KANK3: variants seen among roughly 807,000 people sequenced by gnomAD.
KANK3 encodes KN motif and ankyrin repeat domain-containing protein 3.
KANK3 carries 61 observed loss-of-function variants against 65.4 expected under a neutral mutation model. That is an observed-to-expected ratio of 0.93 (90% CI 0.76 to 1.15). The LOEUF (loss-of-function observed/expected upper bound fraction) is 1.15. KANK3 is among the 50% of genes most tolerant of loss of function. The probability of loss-of-function intolerance (pLI) is 0.00; values close to 1 mark genes in which losing one functional copy is unlikely to be tolerated. For synonymous variants in KANK3, 586 were observed against 543.3 expected (o/e 1.08, Z -1.09); for missense variants, 1,187 against 1,178.8 (o/e 1.01, Z -0.10).
intron 7 of KANK3, among the ~76,000 whole-genome samples, chr19:8,327,446 A>G (rs906971284): frequency 5.9e-5 from 9 of 152,162 alleles, no homozygotes; most frequent in African/African-American, 2.2e-4. Context: ...CCTGGCCAAC[A>G]TGGTGAAACA....
Position 8,334,302 on chromosome 19 carries a change from G to A in KANK3, c.1427+18C>T. On this transcript the variant is annotated intron_variant, in intron 4 of 10. Transcript: ENST00000330915. The stretch of plus-strand genomic sequence containing the variant: ...TATGTCCCGGCAGAAGCTGCCACAG[G>A]AGGGGAAAGGCGCTCACTCTCCGTT... 1.2e-6 allele frequency: 2 copies of A among 1,613,638 alleles called. No individual in the cohort carries two copies. Among genetic ancestry groups the A allele is most frequent in the Non-Finnish European group, 1.7e-6 (2 of 1,179,796 alleles).
intron 7 of KANK3, among the ~76,000 whole-genome samples, chr19:8,331,123 G>A (rs1970516206): frequency 6.6e-6 from 1 of 151,806 alleles, no homozygotes; most frequent in Non-Finnish European, 1.5e-5. Flanking sequence ...AACCCGGGAG[G>A]CGTAGGTTGC....
chr19:8,325,294 A>ATTTTTTT (rs1970406243), intron 7 of KANK3, among the ~76,000 whole-genome samples, 198 bp from the exon 8 acceptor site: 2 of 66,490 alleles, frequency 3.0e-5, no homozygotes, highest in Admixed American at 1.5e-4. Context: ...TTCCTGTTTC[A>ATTTTTTT]TCTTTTTTTT....
rs1227887472 is a variant in KANK3 at position 8,334,971 on chromosome 19, C to G, written c.856G>C (p.Val286Leu). The G allele has an allele frequency of 6.7e-7, 1 of 1,494,546 alleles. No homozygotes were observed. The highest frequency in any genetic ancestry group is 8.8e-7 in the Non-Finnish European group (1 of 1,132,144). The allele number at this position is 1,494,546 out of a possible 1,614,324, so 92.6% of individuals were successfully genotyped here. The change falls in exon 3 of 11, where the codon GTC becomes CTC. Residue 286 changes from valine to leucine, a missense_variant. Val to Leu is a conservative substitution (Grantham distance 32). Transcript: ENST00000330915. ...AAGRSEGALQVLDGEVGSLDG... is the reference protein window; with the variant it reads ...AAGRSEGALQLLDGEVGSLDG... ...AGACTCCCGACCTCCCCGTCGAGGA[C>G]CTGGAGCGCGCCCTCGCTGCGCCCT...
rs752825411 is a variant in KANK3, at chr19:8,337,865, G to T, written c.-28-9C>A. On this transcript the variant is annotated splice_polypyrimidine_tract_variant and intron_variant, in intron 1 of 10. Coordinates refer to ENST00000330915, the MANE Select transcript of KANK3 (RefSeq NM_198471.3). Reference sequence around the variant, plus strand: ...CAGCTGTCAGAGGCACCCTGCAAAAGGGGTGAAGGTGGGGCTGGGCGCTGT... The same window carrying T: ...CAGCTGTCAGAGGCACCCTGCAAAATGGGTGAAGGTGGGGCTGGGCGCTGT... 1 of 1,613,058 alleles carries T rather than the reference G, an allele frequency of 6.2e-7. No homozygotes were observed.
chr19:8,332,240 C>G (rs1050801201), intron 7 of KANK3, among the ~76,000 whole-genome samples: 1 of 151,936 alleles, frequency 6.6e-6, no homozygotes, highest in Non-Finnish European at 1.5e-5. Flanking sequence ...TGCAGTAGCA[C>G]GATCTCAGCT....
chr19:8,335,051 C>A lies in KANK3; in HGVS notation c.776G>T (p.Arg259Leu). ...GGGGCTGGCCCTGGCACGGCCGCCGCGCTCGGAGGTGGCCAGGCGCTCGGT... is the reference window on the plus strand; with the variant it reads ...GGGGCTGGCCCTGGCACGGCCGCCGAGCTCGGAGGTGGCCAGGCGCTCGGT... ...RLTERLATSE[R>L]GGRARASPRA... Residue 259 changes from arginine to leucine, a missense_variant, in exon 3 of 11, where the codon CGC becomes CTC. By Grantham distance (102) the Arg-to-Leu change is moderately radical (BLOSUM62 -2). Coordinates refer to ENST00000330915, the MANE Select transcript of KANK3 (RefSeq NM_198471.3). The A allele has an allele frequency of 7.4e-7, 1 of 1,355,952 alleles. No homozygotes were observed. Among genetic ancestry groups the A allele is most frequent in the Non-Finnish European group, 9.4e-7 (1 of 1,061,904 alleles). The allele number at this position is 1,355,952 out of a possible 1,614,324, so 84.0% of individuals were successfully genotyped here. A position where few individuals can be genotyped will look rare whatever the true frequency, so the allele number is the denominator to read the frequency against.
At position 8,332,770 on chromosome 19, in the gene KANK3, T is replaced by C. The variant is rs527410966; in HGVS notation, c.1936+244A>G. ...AGGCGGAGGTTGCAGTGAGCCGAGA[T>C]CGCGCCACTGCACTCCTGCCTGGTG... On this transcript the variant is annotated intron_variant, in intron 7 of 10. Transcript: ENST00000330915. 101 of 190,626 alleles carry C rather than the reference T, an allele frequency of 5.3e-4. 1 individual carries two copies. Among genetic ancestry groups the C allele is most frequent in the Non-Finnish European group, 8.3e-5 (8 of 96,094 alleles). 11.8% of individuals were successfully genotyped at this position (190,626 alleles called of 1,614,324 possible).
chr19:8,331,952 C>G (rs1466601895), intron 7 of KANK3, among the ~76,000 whole-genome samples: 4 of 147,062 alleles, frequency 2.7e-5, no homozygotes, highest in Non-Finnish European at 4.5e-5. Flanking sequence ...CAGGGCAGAA[C>G]TAGGGGTATG....
rs972917848 is a variant in KANK3, at chr19:8,335,419, C to G, written c.408G>C (p.Glu136Asp). ...RNPRVEHTLR[E>D]TSRRLELAQT... ...GCGCCAGCTCCAGCCGCCGGCTGGT[C>G]TCCCGGAGCGTGTGCTCGACGCGCG... Residue 136 changes from glutamate (E) to aspartate (D), a missense_variant, in exon 3 of 11, where the codon GAG becomes GAC. Coordinates refer to ENST00000330915, the MANE Select transcript of KANK3 (RefSeq NM_198471.3). The G allele has an allele frequency of 1.2e-5, 14 of 1,208,560 alleles. No individual in the cohort carries two copies. The African/African-American group carries it at 2.1e-4, about 18-fold the overall frequency. 74.9% of individuals were successfully genotyped at this position (1,208,560 alleles called of 1,614,324 possible). A position where few individuals can be genotyped will look rare whatever the true frequency, so the allele number is the denominator to read the frequency against.
Position 8,322,936 on chromosome 19 carries a change from A to G in KANK3, c.2383-14T>C, listed in dbSNP as rs201986029. 1.4e-6 allele frequency: 2 copies of G among 1,415,772 alleles called. No individual in the cohort carries two copies. Among genetic ancestry groups the G allele is most frequent in the Non-Finnish European group, 1.9e-6 (2 of 1,051,858 alleles). 87.7% of individuals were successfully genotyped at this position (1,415,772 alleles called of 1,614,324 possible). On this transcript the variant is annotated splice_polypyrimidine_tract_variant and intron_variant, in intron 10 of 10. Coordinates refer to ENST00000330915, the MANE Select transcript of KANK3 (RefSeq NM_198471.3). ...GGGTGACTCGCTCTGGAGAGAGGGG[A>G]AAAGAGGGGGGCCTGCTGCAATCTC... is the stretch of plus-strand genomic sequence containing the variant.
At chr19:8,343,001 A>AG (rs1261434921) in intron 1 of KANK3, among the ~76,000 whole-genome samples, 4 of 152,114 alleles carry the variant, frequency 2.6e-5, no homozygotes, top group Non-Finnish European at 5.9e-5. Context: ...GAAGGGCGAG[A>AG]GGGGGGCAAG....
chr19:8,336,128 G>A (rs958013897), intron 2 of KANK3, among the ~76,000 whole-genome samples: 3 of 152,198 alleles, frequency 2.0e-5, no homozygotes, highest in African/African-American at 7.2e-5. Context: ...TTTCCTGTGA[G>A]GGGACTTTCC....
Position 8,334,819 on chromosome 19 carries a change from C to CGCCTCCACGGTCTCGGGGGCA in KANK3, c.987_1007dup (p.Ala330_Ala336dup), listed in dbSNP as rs1568576399. 1 of 1,492,236 alleles carries CGCCTCCACGGTCTCGGGGGCA rather than the reference C, an allele frequency of 6.7e-7. No individual in the cohort carries two copies. The highest frequency in any genetic ancestry group is 8.9e-7 in the Non-Finnish European group (1 of 1,129,674). The allele number at this position is 1,492,236 out of a possible 1,614,324, so 92.4% of individuals were successfully genotyped here. A position where few individuals can be genotyped will look rare whatever the true frequency, so the allele number is the denominator to read the frequency against. The stretch of plus-strand genomic sequence containing the variant: ...GCAGCGCCTCGGTCACCCACGCGTC[C>CGCCTCCACGGTCTCGGGGGCA]GCCTCCACGGTCTCGGGGGCAGCCT... On this transcript the variant is annotated inframe_insertion, in exon 3 of 11. Coordinates refer to ENST00000330915, the MANE Select transcript of KANK3 (RefSeq NM_198471.3).
At chr19:8,324,062 C>G (rs1049715095) in intron 10 of KANK3, among the ~76,000 whole-genome samples, 1 of 152,202 alleles carries the variant, frequency 6.6e-6, no homozygotes, top group African/African-American at 2.4e-5. Context: ...TACTTCCCCC[C>G]TTGAGGACTC....
intron 7 of KANK3, 66 bp downstream of exon 7, chr19:8,332,948 G>T: frequency 7.4e-7 from 1 of 1,351,532 alleles, no homozygotes; most frequent in Non-Finnish European, 1.0e-6. Flanking sequence ...TTTGAGCCTA[G>T]GTCAGCCCCT....
chr19:8,329,356 G>A (rs939160376), intron 7 of KANK3, among the ~76,000 whole-genome samples: 5 of 150,788 alleles, frequency 3.3e-5, no homozygotes, highest in Admixed American at 1.3e-4. Flanking sequence ...GCATGATGGC[G>A]CTTGCCAGTA....
chr19:8,329,523 A>AAAG (rs1427394985), intron 7 of KANK3, among the ~76,000 whole-genome samples: 3 of 149,470 alleles, frequency 2.0e-5, no homozygotes, highest in African/African-American at 7.4e-5. Flanking sequence ...AAAAAAGACT[A>AAAG]ACTATAGAAT....
Position 8,334,303 on chromosome 19 carries a change from AGGG to A in KANK3, c.1427+14_1427+16del, listed in dbSNP as rs760483926. 6.2e-7 allele frequency: 1 copy of A among 1,613,524 alleles called. No individual in the cohort carries two copies. The highest frequency in any genetic ancestry group is 8.5e-7 in the Non-Finnish European group (1 of 1,179,738). On this transcript the variant is annotated intron_variant, in intron 4 of 10. Transcript: ENST00000330915. ...ATGTCCCGGCAGAAGCTGCCACAGGAGGGGAAAGGCGCTCACTCTCCGTTGAGG... is the reference window on the plus strand; with the variant it reads ...ATGTCCCGGCAGAAGCTGCCACAGGAGAAAGGCGCTCACTCTCCGTTGAGG...
Sources: gnomAD v4.1 joint callset for allele counts (sites outside exome capture counted in the v4.1 genomes callset) on GRCh38, gnomAD v4.1.1 for gene constraint, MANE v1.5 for transcripts, NCBI Gene and HGNC (gene_info 2026-07-23, HGNC 2026-07-21) for gene names.